The following GRIK1 variants were observed in gnomAD, a reference collection of about 807,000 sequenced individuals.
The protein encoded by GRIK1 is glutamate ionotropic receptor kainate type subunit 1, also known as glutamate receptor ionotropic, kainate 1.
In GRIK1, 69 loss-of-function variants were observed where a neutral mutation model predicts 105.7. The ratio of observed to expected loss-of-function variants is 0.65; its 90% CI spans 0.54 to 0.80. GRIK1 has a LOEUF of 0.80. GRIK1 is among the 30% of genes least tolerant of loss of function. The pLI is 0.00. For synonymous variants in GRIK1, 438 were observed against 431.3 expected (o/e 1.02, Z -0.19); for missense variants, 1,109 against 1,167.3 (o/e 0.95, Z 0.73).
chr21:29,915,146 T>C lies in GRIK1; in HGVS notation c.118+24237A>G, dbSNP rs75526914. Among the ~76,000 whole-genome samples the C allele has an allele frequency of 7.4e-3, 1,121 of 151,984 alleles. 12 individuals carry two copies. Among genetic ancestry groups the C allele is most frequent in the African/African-American group, 0.023 (950 of 41,452 alleles). On this transcript the variant is annotated intron_variant, in intron 1 of 17. Coordinates refer to ENST00000327783, the MANE Select transcript of GRIK1 (RefSeq NM_001330994.2). ...ATGTGCTCATTTTCAATCCATCTAT[T>C]CTGTTAATTCTTTTCCACGCTATAT...
At chr21:29,868,006 A>T (rs1253424535) in intron 1 of GRIK1, among the ~76,000 whole-genome samples, 1 of 141,564 alleles carries the variant, frequency 7.1e-6, no homozygotes. Flanking sequence ...AGAGAAAGAA[A>T]GAAAGAAAAG....
intron 1 of GRIK1, among the ~76,000 whole-genome samples, chr21:29,867,911 A>G (rs1396228111): frequency 4.9e-5 from 6 of 123,082 alleles, no homozygotes; most frequent in Non-Finnish European, 8.2e-5. Context: ...AGAAAGAAAG[A>G]GAGAGAAAGA....
intron 1 of GRIK1, among the ~76,000 whole-genome samples, chr21:29,786,927 C>T (rs574196089): frequency 6.6e-6 from 1 of 152,310 alleles, no homozygotes; most frequent in East Asian, 1.9e-4. Context: ...AGAATATCTT[C>T]ACACTCACAC....
At chr21:29,730,283 A>G (rs1458125408) in intron 1 of GRIK1, among the ~76,000 whole-genome samples, 1 of 152,204 alleles carries the variant, frequency 6.6e-6, no homozygotes, top group Admixed American at 6.5e-5. Context: ...ACTCAGAAGG[A>G]AATTTTATCT....
intron 7 of GRIK1, among the ~76,000 whole-genome samples, chr21:29,626,165 C>T (rs2062125522): frequency 6.6e-6 from 1 of 152,134 alleles, no homozygotes; most frequent in South Asian, 2.1e-4. Context: ...GTGCCAGCAT[C>T]TGGTGAGGGC....
intron 14 of GRIK1, among the ~76,000 whole-genome samples, chr21:29,575,647 T>A (rs1050387952): frequency 6.6e-6 from 1 of 151,650 alleles, no homozygotes; most frequent in Non-Finnish European, 1.5e-5. Flanking sequence ...GCCTGGCCAA[T>A]ATGGTGAAAC....
rs34939329 is a variant in GRIK1, at chr21:29,550,107, C to CAAAAAAAAAAAAA, written c.2607+4932_2607+4944dup. ...TGGGCGACAGAGAAAGACTCCATCTCAAAAAAAAAAAAAAAAAAAAAAAAA... is the reference window on the plus strand; with the variant it reads ...TGGGCGACAGAGAAAGACTCCATCTCAAAAAAAAAAAAAAAAAAAAAAAAAAAAAAAAAAAAAA... On this transcript the variant is annotated intron_variant, in intron 16 of 17. Coordinates refer to ENST00000327783, the MANE Select transcript of GRIK1 (RefSeq NM_001330994.2). Among the ~76,000 whole-genome samples the CAAAAAAAAAAAAA allele has an allele frequency of 1.1e-4, 6 of 53,488 alleles. 1 individual carries two copies. The highest frequency in any genetic ancestry group is 5.1e-4 in the African/African-American group (6 of 11,750). 35.1% of individuals were successfully genotyped at this position (53,488 alleles called of 152,430 possible).
chr21:29,547,395 A>T (rs1158682125), intron 16 of GRIK1, among the ~76,000 whole-genome samples: 1 of 152,266 alleles, frequency 6.6e-6, no homozygotes, highest in South Asian at 2.1e-4. Context: ...ATCTCTTTTT[A>T]TCACTGCTTC....
intron 14 of GRIK1, among the ~76,000 whole-genome samples, chr21:29,568,445 TC>T (rs2090661482): frequency 6.6e-6 from 1 of 152,202 alleles, no homozygotes; most frequent in Non-Finnish European, 1.5e-5. Flanking sequence ...ACCTAACCAC[TC>T]CCTGGAAAGA....
At chr21:29,927,533 T>G (rs974161292) in intron 1 of GRIK1, among the ~76,000 whole-genome samples, 1 of 150,104 alleles carries the variant, frequency 6.7e-6, no homozygotes, top group African/African-American at 2.4e-5. Context: ...CTGTAATAAA[T>G]GCAGCCATAT....
intron 7 of GRIK1, among the ~76,000 whole-genome samples, chr21:29,631,957 G>A (rs2062283843): frequency 6.6e-6 from 1 of 151,346 alleles, no homozygotes; most frequent in African/African-American, 2.4e-5. Flanking sequence ...AAGTAATTAA[G>A]TAATGAAGCA....
chr21:29,699,970 C>A (rs2063782142), intron 1 of GRIK1, among the ~76,000 whole-genome samples: 1 of 152,018 alleles, frequency 6.6e-6, no homozygotes, highest in South Asian at 2.1e-4. Context: ...TTTTTTCTCC[C>A]AAGGGCTTTG....
chr21:29,886,153 C>G (rs943841441), intron 1 of GRIK1, among the ~76,000 whole-genome samples: 9 of 152,058 alleles, frequency 5.9e-5, no homozygotes, highest in African/African-American at 2.2e-4. Context: ...TTAAAAGAAA[C>G]AAATCTTTAC....
At chr21:29,751,560 C>T (rs1258309097) in intron 1 of GRIK1, among the ~76,000 whole-genome samples, 1 of 152,160 alleles carries the variant, frequency 6.6e-6, no homozygotes. Flanking sequence ...ATGGAGCCAT[C>T]TCTTAATGAT....
At chr21:29,553,384 T>C in intron 16 of GRIK1, 1 of 1,290,194 alleles carries the variant, frequency 7.8e-7, no homozygotes. Flanking sequence ...CAACATACAG[T>C]GCAAGTATCT....
intron 1 of GRIK1, among the ~76,000 whole-genome samples, chr21:29,793,448 T>G (rs565337156): frequency 6.6e-6 from 1 of 151,994 alleles, no homozygotes; most frequent in Non-Finnish European, 1.5e-5. Context: ...GTGCATGCTC[T>G]CTCTCTCTCT....
intron 1 of GRIK1, among the ~76,000 whole-genome samples, chr21:29,913,786 T>G (rs961663453): frequency 2.6e-5 from 4 of 151,752 alleles, no homozygotes; most frequent in African/African-American, 9.7e-5. Context: ...TCAATTGGTT[T>G]TTCTTGGTTT....
At chr21:29,562,982 T>C (rs1479134647) in intron 14 of GRIK1, among the ~76,000 whole-genome samples, 7 of 152,230 alleles carry the variant, frequency 4.6e-5, no homozygotes, top group African/African-American at 4.8e-5. Context: ...TTTTGCATTT[T>C]ACTCTGTAAT....
chr21:29,558,363 T>C (rs199720106), intron 15 of GRIK1, among the ~76,000 whole-genome samples: 1 of 103,582 alleles, frequency 9.7e-6, no homozygotes, highest in African/African-American at 4.2e-5. Context: ...TATATATATT[T>C]CATATATATA....
Sources: allele counts gnomAD v4.1 joint callset (sites outside exome capture counted in the v4.1 genomes callset), GRCh38; gene constraint gnomAD v4.1.1; transcripts MANE v1.5; gene names NCBI Gene and HGNC (gene_info 2026-07-23, HGNC 2026-07-21).